PPP2R5C: variants seen among roughly 807,000 people sequenced by gnomAD.
PPP2R5C encodes the protein serine/threonine-protein phosphatase 2A 56 kDa regulatory subunit gamma isoform.
Under a neutral mutation model 68.9 loss-of-function variants are expected in PPP2R5C, and 7 were observed. The observed-to-expected ratio is 0.10, with a 90% CI of 0.06 to 0.19. The LOEUF (loss-of-function observed/expected upper bound fraction) is 0.19. PPP2R5C is among the 10% of genes least tolerant of loss of function. PPP2R5C has a pLI of 1.00. For missense variants in PPP2R5C, 348 were observed against 641.3 expected, an observed-to-expected ratio of 0.54 and a Z score of 4.94; for synonymous variants, 210 against 222.2, an observed-to-expected ratio of 0.95 and a Z score of 0.49.
chr14:101,801,088 G>T (rs949585823), intron 3 of PPP2R5C, among the ~76,000 whole-genome samples: 7 of 152,172 alleles, frequency 4.6e-5, no homozygotes, highest in African/African-American at 1.7e-4. Flanking sequence ...TAGGGAGAGA[G>T]GGTGGTTAAG....
intron 1 of PPP2R5C, among the ~76,000 whole-genome samples, chr14:101,853,243 A>T (rs1412447083): frequency 6.6e-6 from 1 of 152,140 alleles, no homozygotes; most frequent in African/African-American, 2.4e-5. Flanking sequence ...GGTTTTTTTT[A>T]AAACAGTAAA....
chr14:101,782,097 TCCCCTCC>T (rs1394844889), intron 2 of PPP2R5C, among the ~76,000 whole-genome samples: 2 of 35,262 alleles, frequency 5.7e-5, no homozygotes, highest in African/African-American at 2.3e-4. Context: ...CACCCTTTCT[TCCCCTCC>T]CCCCTCCCCC....
intron 2 of PPP2R5C, among the ~76,000 whole-genome samples, chr14:101,861,938 C>T (rs941473309): frequency 3.9e-5 from 6 of 152,138 alleles, no homozygotes; most frequent in Admixed American, 6.5e-5. Context: ...TTTAGAGATG[C>T]CGTCTTGCTC....
intron 3 of PPP2R5C, chr14:101,883,019 T>G: frequency 2.2e-6 from 1 of 446,126 alleles, no homozygotes; most frequent in Non-Finnish European, 4.0e-6. Flanking sequence ...ACATCAGCCA[T>G]GGAGATCATT....
In PPP2R5C at chr14:101,899,708, G is replaced by A. The variant is rs879567757; in HGVS notation, c.853-2011G>A. 1.1e-4 allele frequency among the ~76,000 whole-genome samples: 16 copies of A among 152,200 alleles called. No homozygotes were observed. The highest frequency in any genetic ancestry group is 2.4e-4 in the Non-Finnish European group (16 of 68,038). ...ATGTAGGAAGTGATTTCCATCTGCT[G>A]TGTCCTTAATAGTGATTCCAATACA... On this transcript the variant is annotated intron_variant, in intron 8 of 13. Transcript: ENST00000334743. This position sits in a 1 kb window ranked among gnomAD's most constrained non-coding sequence, Gnocchi z 4.2.
intron 1 of PPP2R5C, among the ~76,000 whole-genome samples, 183 bp from the exon 2 acceptor site, chr14:101,762,722 G>C (rs1179753870): frequency 6.6e-6 from 1 of 152,084 alleles, no homozygotes; most frequent in Non-Finnish European, 1.5e-5. Context: ...ATCTGAATGG[G>C]GGTTGGGGGG....
At chr14:101,841,642 G>C (rs1316335641) in intron 1 of PPP2R5C, among the ~76,000 whole-genome samples, 2 of 152,218 alleles carry the variant, frequency 1.3e-5, no homozygotes, top group Admixed American at 6.5e-5. Flanking sequence ...TGTGGTGTTG[G>C]TGTTCTTTTT....
chr14:101,822,565 A>T (rs2040149932), intron 1 of PPP2R5C, among the ~76,000 whole-genome samples: 1 of 152,094 alleles, frequency 6.6e-6, no homozygotes, highest in African/African-American at 2.4e-5. Context: ...ATTTTGGGAA[A>T]TTTTTTTACT....
intron 3 of PPP2R5C, among the ~76,000 whole-genome samples, chr14:101,786,412 G>T (rs1471286824): frequency 6.6e-6 from 1 of 151,764 alleles, no homozygotes; most frequent in Non-Finnish European, 1.5e-5. Flanking sequence ...CACAGTATAG[G>T]CATAATACAC....
chr14:101,799,063 C>T (rs898901362), intron 3 of PPP2R5C, among the ~76,000 whole-genome samples: 1 of 152,172 alleles, frequency 6.6e-6, no homozygotes, highest in African/African-American at 2.4e-5. Flanking sequence ...TCATTCAGTA[C>T]ATTTGATGGA....
chr14:101,858,508 G>GT (rs1222310658), intron 2 of PPP2R5C, among the ~76,000 whole-genome samples: 2 of 149,208 alleles, frequency 1.3e-5, no homozygotes, highest in Admixed American at 6.6e-5. Flanking sequence ...TTTGTTTTTT[G>GT]TTTTTTGTTT....
chr14:101,797,516 G>A lies in PPP2R5C; in HGVS notation c.259+11333G>A. ...CACCCTCTCCATTTTCACCGAGATG[G>A]TTGTGGTGTCACCTCTCGTGGGGTG... On this transcript the variant is annotated intron_variant, in intron 3 of 14. Coordinates refer to the PPP2R5C transcript ENST00000328724. This position sits in a 1 kb window ranked among gnomAD's most constrained non-coding sequence, Gnocchi z 4.2. 6.0e-6 allele frequency: 2 copies of A among 331,422 alleles called. No individual in the cohort carries two copies. The highest frequency in any genetic ancestry group is 1.2e-5 in the Non-Finnish European group (2 of 165,892). The allele number at this position is 331,422 out of a possible 1,614,324, so 20.5% of individuals were successfully genotyped here.
At chr14:101,818,994 A>T (rs1595253945) in intron 1 of PPP2R5C, 1 of 1,547,058 alleles carries the variant, frequency 6.5e-7, no homozygotes. Context: ...CACTCTAGGG[A>T]ACAAGTCCTG....
chr14:101,917,336 C>T lies in PPP2R5C; in HGVS notation c.1327-495C>T, dbSNP rs1028894056. On this transcript the variant is annotated intron_variant, in intron 12 of 13. Coordinates refer to ENST00000334743, the Ensembl canonical transcript of PPP2R5C. This position sits in a 1 kb window ranked among gnomAD's most constrained non-coding sequence, Gnocchi z 4.4. ...TGATGAGAGGGTTTCATAAGCAAGCCGGGAAAATGGGATAAAGGGGAGAGA... is the reference window on the plus strand; with the variant it reads ...TGATGAGAGGGTTTCATAAGCAAGCTGGGAAAATGGGATAAAGGGGAGAGA... 2.0e-5 allele frequency among the ~76,000 whole-genome samples: 3 copies of T among 151,964 alleles called. No homozygotes were observed. Among genetic ancestry groups the T allele is most frequent in the African/African-American group, 4.8e-5 (2 of 41,354 alleles).
intron 1 of PPP2R5C, among the ~76,000 whole-genome samples, chr14:101,829,747 C>T (rs2040623287): frequency 6.6e-6 from 1 of 152,164 alleles, no homozygotes; most frequent in Admixed American, 6.5e-5. Context: ...GAGGTGCCCG[C>T]AATCAGACAT....
chr14:101,906,867 C>G lies in PPP2R5C; in HGVS notation c.1151+338C>G, dbSNP rs931676434. On this transcript the variant is annotated intron_variant, in intron 10 of 13. Coordinates refer to ENST00000334743, the Ensembl canonical transcript of PPP2R5C. The surrounding 1 kb of genome is among the most constrained non-coding windows in gnomAD (Gnocchi z 4.0). ...CTCAGCCCCGGCGGGGGCACAGTGG[C>G]CACTGCATTCTCGGGGTGTCTATTG... 1.3e-5 allele frequency among the ~76,000 whole-genome samples: 2 copies of G among 152,134 alleles called. No homozygotes were observed. The highest frequency in any genetic ancestry group is 4.8e-5 in the African/African-American group (2 of 41,434).
rs576539353 is a variant in PPP2R5C, at chr14:101,917,960, C to T, written c.1443+13C>T. ...CGAGGCTCATCAGGTAAAAGTGCAC[C>T]GAGCTCAGCTGGGCACCCATGACTG... On this transcript the variant is annotated intron_variant, in intron 13 of 13. Transcript: ENST00000334743. This position sits in a 1 kb window ranked among gnomAD's most constrained non-coding sequence, Gnocchi z 4.4. 12 of 1,613,614 alleles carry T rather than the reference C, an allele frequency of 7.4e-6. No individual in the cohort carries two copies. Among genetic ancestry groups the T allele is most frequent in the African/African-American group, 6.7e-5 (5 of 74,942 alleles).
chr14:101,870,040 CTTTTTTTTT>C (rs141433870), intron 2 of PPP2R5C, among the ~76,000 whole-genome samples: 17 of 53,096 alleles, frequency 3.2e-4, no homozygotes, highest in South Asian at 6.1e-4. Flanking sequence ...TTCAATTGGG[CTTTTTTTTT>C]TTTTTTTTTT....
chr14:101,901,208 T>C (rs1432974549), intron 8 of PPP2R5C, among the ~76,000 whole-genome samples: 1 of 152,258 alleles, frequency 6.6e-6, no homozygotes, highest in African/African-American at 2.4e-5. Context: ...CATGAATTGA[T>C]AATGCTCTGT....
Sources: allele counts gnomAD v4.1 joint callset (sites outside exome capture counted in the v4.1 genomes callset), GRCh38; gene constraint gnomAD v4.1.1; non-coding constraint Gnocchi (gnomAD v3.1); transcripts MANE v1.5; gene names NCBI Gene and HGNC (gene_info 2026-07-23, HGNC 2026-07-21).